ANKRD30B: variants seen among roughly 807,000 people sequenced by gnomAD.
The protein encoded by ANKRD30B is ankyrin repeat domain-containing protein 30B.
In ANKRD30B, 144 loss-of-function variants were observed where a neutral mutation model predicts 202.2. The ratio of observed to expected loss-of-function variants is 0.71; its 90% CI spans 0.62 to 0.82. The LOEUF (loss-of-function observed/expected upper bound fraction) is 0.82, where lower values mean the gene tolerates loss of function less well. Among genes scored for constraint, ANKRD30B ranks in the 40% least tolerant of loss-of-function variants. The pLI, the probability that ANKRD30B is intolerant of heterozygous loss-of-function variation, is 0.00. For missense variants in ANKRD30B, 1,487 were observed against 1,669.1 expected, an observed-to-expected ratio of 0.89 and a Z score of 1.90; for synonymous variants, 508 against 561.3, an observed-to-expected ratio of 0.91 and a Z score of 1.34.
At position 14,778,093 on chromosome 18, in the gene ANKRD30B, T is replaced by C; in HGVS notation, c.1420+18T>C. ...AATAGAAGGTAAGAACCATTTTTTATTTAAAACATCTTTTGACCAAATGTT... is the reference window on the plus strand; with the variant it reads ...AATAGAAGGTAAGAACCATTTTTTACTTAAAACATCTTTTGACCAAATGTT... On this transcript the variant is annotated intron_variant, in intron 10 of 43. Transcript: ENST00000690538. 2 of 1,469,272 alleles carry C rather than the reference T, an allele frequency of 1.4e-6. No homozygotes were observed. The highest frequency in any genetic ancestry group is 1.9e-6 in the Non-Finnish European group (2 of 1,075,514). 91.0% of individuals were successfully genotyped at this position (1,469,272 alleles called of 1,614,324 possible). A position where few individuals can be genotyped will look rare whatever the true frequency, so the allele number is the denominator to read the frequency against.
the ANKRD30B span, among the ~76,000 whole-genome samples, chr18:14,902,058 G>A: frequency 1.3e-5 from 2 of 152,164 alleles, no homozygotes; most frequent in African/African-American, 4.8e-5. Flanking sequence ...AAGGAAAAAT[G>A]AGGATGATGA....
intron 20 of ANKRD30B, among the ~76,000 whole-genome samples, chr18:14,798,347 G>A (rs183428062): frequency 6.6e-6 from 1 of 152,100 alleles, no homozygotes; most frequent in African/African-American, 2.4e-5. Flanking sequence ...TCTGTATGCA[G>A]AAATACAGTA....
At chr18:14,816,444 G>A (rs1294265979) in intron 30 of ANKRD30B, 1 of 152,068 alleles carries the variant, frequency 6.6e-6, no homozygotes, top group African/African-American at 2.4e-5. Context: ...AGCAGATCGA[G>A]ACCATCCTGG....
At chr18:14,893,614 A>C in the ANKRD30B span, among the ~76,000 whole-genome samples, 1 of 105,036 alleles carries the variant, frequency 9.5e-6, no homozygotes, top group African/African-American at 3.7e-5. Context: ...TCCATCTCAC[A>C]AAAAAAAAAA....
At chr18:14,750,208 T>C (rs1253130417) in intron 1 of ANKRD30B, among the ~76,000 whole-genome samples, 1 of 152,140 alleles carries the variant, frequency 6.6e-6, no homozygotes, top group Non-Finnish European at 1.5e-5. Context: ...GAATTAAAAA[T>C]CTTCCTTTTA....
At chr18:14,927,040 CT>C in the ANKRD30B span, among the ~76,000 whole-genome samples, 44 of 150,858 alleles carry the variant, frequency 2.9e-4, no homozygotes, top group Admixed American at 6.6e-4. Flanking sequence ...TTCTTCTTCT[CT>C]TTTTTTTTCC....
At chr18:14,804,971 G>A (rs1969413829) in intron 24 of ANKRD30B, among the ~76,000 whole-genome samples, 1 of 150,540 alleles carries the variant, frequency 6.6e-6, no homozygotes, top group South Asian at 2.1e-4. Context: ...GTTAGAGTGT[G>A]GGTGCTCCAG....
intron 12 of ANKRD30B, 80 bp downstream of exon 12, chr18:14,782,694 C>T: frequency 1.2e-6 from 1 of 840,326 alleles, no homozygotes; most frequent in Non-Finnish European, 1.8e-6. Flanking sequence ...CTCTAATAGC[C>T]AAATAAAATT....
In ANKRD30B at chr18:14,748,326, C is replaced by G; in HGVS notation, c.-94C>G. ...GGCGAGTGCGAGCCGGGGGCGGGTG[C>G]TGGGGAAGGGTAAGCGGGAAGCGAG... On this transcript the variant is annotated 5_prime_UTR_variant, in exon 1 of 44. Coordinates refer to ENST00000690538, the MANE Select transcript of ANKRD30B (RefSeq NM_001367607.2). 2.8e-6 allele frequency: 3 copies of G among 1,073,350 alleles called. No individual in the cohort carries two copies. In the Admixed American group the frequency reaches 1.0e-4, roughly 36 times the overall value. 66.5% of individuals were successfully genotyped at this position (1,073,350 alleles called of 1,614,324 possible).
intron 32 of ANKRD30B, among the ~76,000 whole-genome samples, chr18:14,824,578 G>A (rs1431107377): frequency 1.3e-5 from 2 of 152,324 alleles, no homozygotes; most frequent in African/African-American, 2.4e-5. Context: ...TGAGATGGGA[G>A]TAATGGAATA....
At chr18:14,865,503 G>C in the ANKRD30B span, among the ~76,000 whole-genome samples, 1 of 148,296 alleles carries the variant, frequency 6.7e-6, no homozygotes, top group Non-Finnish European at 1.5e-5. Context: ...CCCCACTCAC[G>C]ACCCTCTCTT....
At chr18:14,818,804 T>A (rs1011357527) in intron 30 of ANKRD30B, among the ~76,000 whole-genome samples, 2 of 152,116 alleles carry the variant, frequency 1.3e-5, no homozygotes, top group African/African-American at 2.4e-5. Context: ...CTATTGTGAA[T>A]AATGCTGCAA....
In ANKRD30B at chr18:14,755,752, C is replaced by T. The variant is rs1598564189; in HGVS notation, c.617+747C>T. On this transcript the variant is annotated intron_variant, in intron 4 of 43. Coordinates refer to ENST00000690538, the MANE Select transcript of ANKRD30B (RefSeq NM_001367607.2). ...ATGAACTCATCATTTTTTATGGCTG[C>T]ATAGTATTCCATGGTGTATATGTGC... 5.9e-5 allele frequency among the ~76,000 whole-genome samples: 9 copies of T among 152,268 alleles called. No individual in the cohort carries two copies. In the South Asian group the frequency reaches 1.7e-3, roughly 28 times the overall value.
At chr18:14,829,917 C>T (rs534504953) in intron 33 of ANKRD30B, among the ~76,000 whole-genome samples, 24 of 152,270 alleles carry the variant, frequency 1.6e-4, no homozygotes, top group Admixed American at 1.4e-3. Flanking sequence ...CAGGTGTCCC[C>T]TCCCGTTTGC....
At chr18:14,782,220 A>G (rs1452363907) in intron 11 of ANKRD30B, among the ~76,000 whole-genome samples, 1 of 152,236 alleles carries the variant, frequency 6.6e-6, no homozygotes, top group South Asian at 2.1e-4. Flanking sequence ...TGCAGAAGAT[A>G]AAGTAAGATA....
the ANKRD30B span, among the ~76,000 whole-genome samples, chr18:14,925,887 C>T: frequency 7.2e-5 from 11 of 152,292 alleles, no homozygotes; most frequent in Admixed American, 3.3e-4. Flanking sequence ...GGAGCAGGCT[C>T]GCAGCTGAAG....
the ANKRD30B span, among the ~76,000 whole-genome samples, chr18:14,890,317 T>C: frequency 2.0e-5 from 3 of 152,040 alleles, no homozygotes; most frequent in African/African-American, 2.4e-5. Context: ...GTAGAAAATA[T>C]GTCTGTATCA....
Position 14,854,440 on chromosome 18 carries a change from C to G in ANKRD30B, c.*282C>G, listed in dbSNP as rs1340595431. Among the ~76,000 whole-genome samples, 2 of 152,138 alleles carry G rather than the reference C, an allele frequency of 1.3e-5. No homozygotes were observed. Among genetic ancestry groups the G allele is most frequent in the Admixed American group, 1.3e-4 (2 of 15,272 alleles). On this transcript the variant is annotated 3_prime_UTR_variant, in exon 44 of 44. Transcript: ENST00000690538. Reference sequence around the variant, plus strand: ...TAGAATCCCATGCATGAGAAGGGGACAGGTCCTTTCTTCACAAGACCAGTC... The same window carrying G: ...TAGAATCCCATGCATGAGAAGGGGAGAGGTCCTTTCTTCACAAGACCAGTC...
intron 35 of ANKRD30B, 109 bp from the exon 36 acceptor site, chr18:14,837,506 A>G (rs190057754): frequency 2.3e-5 from 23 of 995,202 alleles, no homozygotes; most frequent in Admixed American, 9.8e-5. Context: ...TATTTTTGCT[A>G]TTATTTTTAT....
Sources: allele counts gnomAD v4.1 joint callset (sites outside exome capture counted in the v4.1 genomes callset), GRCh38; gene constraint gnomAD v4.1.1; transcripts MANE v1.5; gene names NCBI Gene and HGNC (gene_info 2026-07-23, HGNC 2026-07-21).